CRYBG1: variants seen among roughly 807,000 people sequenced by gnomAD.
CRYBG1 encodes the protein crystallin beta-gamma domain containing 1, also known as beta/gamma crystallin domain-containing protein 1.
In CRYBG1, 139 loss-of-function variants were observed where a neutral mutation model predicts 189.2. The ratio of observed to expected loss-of-function variants is 0.73; its 90% CI spans 0.64 to 0.85. CRYBG1 has a LOEUF of 0.85. CRYBG1 is among the 40% of genes least tolerant of loss of function. CRYBG1 has a pLI of 0.00. For missense variants in CRYBG1, 2,611 were observed against 2,675.8 expected (o/e 0.98, Z 0.53); for synonymous variants, 1,023 against 1,017.1 (o/e 1.01, Z -0.11).
At position 106,519,466 on chromosome 6, in the gene CRYBG1, T is replaced by G. The variant is rs776196166; in HGVS notation, c.2258T>G (p.Val753Gly). ...AAGGAAACTGCTATAGAAACCAAAG[T>G]TACCGTCTCGGAAGAAGAGATTCTG... ...LVKETAIETKVTVSEEEILPA... is the reference protein window; with the variant it reads ...LVKETAIETKGTVSEEEILPA... The change falls in exon 4 of 22, where the codon GTT (valine) becomes GGT (glycine). Residue 753 changes from valine to glycine, a missense_variant. Val to Gly is a moderately radical substitution (Grantham distance 109). Around this residue, in one of 3 missense-constraint regions of CRYBG1, gnomAD observed 1,622 missense variants for 1,735.0 expected, o/e 0.93. Coordinates refer to ENST00000633556, the MANE Select transcript of CRYBG1 (RefSeq NM_001371242.2). The G allele has an allele frequency of 6.2e-7, 1 of 1,614,090 alleles. No homozygotes were observed. Among genetic ancestry groups the G allele is most frequent in the Non-Finnish European group, 8.5e-7 (1 of 1,180,026 alleles).
In CRYBG1 at chr6:106,423,694, C is replaced by CTTTTTTTTTTTTTTTTTTTTTTTTT. The variant is rs1350862841; in HGVS notation, c.174-28000_174-27999insTTTTTTTTTTTTTTTTTTTTTTTTT. On this transcript the variant is annotated intron_variant, in intron 1 of 21. Transcript: ENST00000633556. ...CCCTCCAGTCCTCAGTTCTCCCTCC[C>CTTTTTTTTTTTTTTTTTTTTTTTTT]CTTTTTTTTTTTTTTTTTTTTTTTT... Among the ~76,000 whole-genome samples, 2 of 101,246 alleles carry CTTTTTTTTTTTTTTTTTTTTTTTTT rather than the reference C, an allele frequency of 2.0e-5. 1 individual carries two copies. The highest frequency in any genetic ancestry group is 8.5e-5 in the African/African-American group (2 of 23,608). The allele number at this position is 101,246 out of a possible 152,430, so 66.4% of individuals were successfully genotyped here.
chr6:106,401,164 G>A (rs527964182), intron 1 of CRYBG1, among the ~76,000 whole-genome samples: 176 of 152,256 alleles, frequency 1.2e-3, no homozygotes, highest in African/African-American at 4.2e-3. Context: ...CTAAAATTAT[G>A]AAGATCCTCT....
At chr6:106,440,074 G>A (rs1771538631) in intron 1 of CRYBG1, among the ~76,000 whole-genome samples, 2 of 152,198 alleles carry the variant, frequency 1.3e-5, no homozygotes, top group South Asian at 4.1e-4. Flanking sequence ...CCAGCACCCA[G>A]CCCAGGGAAG....
At chr6:106,562,590 G>A (rs963827792) in intron 20 of CRYBG1, among the ~76,000 whole-genome samples, 3 of 152,106 alleles carry the variant, frequency 2.0e-5, no homozygotes, top group African/African-American at 4.8e-5. Flanking sequence ...GGGTTCACGC[G>A]ATTCTCCTGC....
At chr6:106,561,588 A>G (rs1459726707) in intron 20 of CRYBG1, 88 bp downstream of exon 20, 1 of 1,446,868 alleles carries the variant, frequency 6.9e-7, no homozygotes, top group African/African-American at 1.4e-5. Context: ...TTCTTCAAGT[A>G]GATGCAATTT....
At chr6:106,362,579 G>A (rs1186210555) in intron 1 of CRYBG1, among the ~76,000 whole-genome samples, 1 of 152,218 alleles carries the variant, frequency 6.6e-6, no homozygotes, top group Non-Finnish European at 1.5e-5. Flanking sequence ...GAAGAGCGTG[G>A]CACTTCCTGA....
At chr6:106,363,270 A>G (rs1178913524) in intron 1 of CRYBG1, among the ~76,000 whole-genome samples, 1 of 149,114 alleles carries the variant, frequency 6.7e-6, no homozygotes, top group Non-Finnish European at 1.5e-5. Context: ...AAAAAAAATT[A>G]AAATAGGAGA....
At chr6:106,549,476 C>T (rs892229997) in intron 13 of CRYBG1, among the ~76,000 whole-genome samples, 18 of 152,100 alleles carry the variant, frequency 1.2e-4, no homozygotes, top group Non-Finnish European at 1.5e-4. Flanking sequence ...ACAGTGCTCA[C>T]GCCTGTAATC....
At chr6:106,387,163 T>A (rs1477364452) in intron 1 of CRYBG1, among the ~76,000 whole-genome samples, 4 of 152,190 alleles carry the variant, frequency 2.6e-5, no homozygotes, top group Non-Finnish European at 5.9e-5. Context: ...TTGGTCATAA[T>A]CTAGGATCTG....
intron 1 of CRYBG1, among the ~76,000 whole-genome samples, chr6:106,435,194 G>A (rs992571877): frequency 1.3e-5 from 2 of 151,894 alleles, no homozygotes; most frequent in South Asian, 2.1e-4. Flanking sequence ...TATTATTTTA[G>A]AGACAAGGTC....
intron 2 of CRYBG1, among the ~76,000 whole-genome samples, chr6:106,464,142 C>T (rs553493808): frequency 1.2e-4 from 19 of 152,252 alleles, no homozygotes; most frequent in African/African-American, 4.1e-4. Flanking sequence ...GGGTCTTCTC[C>T]GTAGACACTG....
intron 1 of CRYBG1, among the ~76,000 whole-genome samples, chr6:106,443,507 C>T (rs1771603063): frequency 6.6e-6 from 1 of 152,050 alleles, no homozygotes; most frequent in Non-Finnish European, 1.5e-5. Context: ...TCTTGGCATC[C>T]CTGCAATAGG....
intron 1 of CRYBG1, among the ~76,000 whole-genome samples, chr6:106,406,696 A>G (rs1465873472): frequency 6.6e-6 from 1 of 152,270 alleles, no homozygotes; most frequent in Non-Finnish European, 1.5e-5. Flanking sequence ...CTCTCTGCAG[A>G]AACCCTATAA....
chr6:106,571,910 G>T lies in CRYBG1; in HGVS notation c.*3344G>T. On this transcript the variant is annotated 3_prime_UTR_variant, in exon 22 of 22. Coordinates refer to ENST00000633556, the MANE Select transcript of CRYBG1 (RefSeq NM_001371242.2). The stretch of plus-strand genomic sequence containing the variant: ...AATGTATAATCTAATCTGGAAAAAT[G>T]TTTGAAAGGGATGGCTAGAAAAAAA... 1.2e-6 allele frequency: 1 copy of T among 811,848 alleles called. No individual in the cohort carries two copies. The highest frequency in any genetic ancestry group is 2.1e-6 in the Non-Finnish European group (1 of 478,242). The allele number at this position is 811,848 out of a possible 1,614,324, so 50.3% of individuals were successfully genotyped here. A position where few individuals can be genotyped will look rare whatever the true frequency, so the allele number is the denominator to read the frequency against.
Position 106,498,095 on chromosome 6 carries a change from C to T in CRYBG1, c.313-13335C>T, listed in dbSNP as rs58722676. ...CAGCCTGGGCTACAGAGCGAGACTC[C>T]GTCTTAAAAAAAAAAAAAAAAAAGT... On this transcript the variant is annotated intron_variant, in intron 2 of 21. Coordinates refer to ENST00000633556, the MANE Select transcript of CRYBG1 (RefSeq NM_001371242.2). Among the ~76,000 whole-genome samples the T allele has an allele frequency of 6.9e-3, 865 of 125,804 alleles. 10 individuals are homozygous for T. The highest frequency in any genetic ancestry group is 0.025 in the African/African-American group (815 of 33,256). The allele number at this position is 125,804 out of a possible 152,430, so 82.5% of individuals were successfully genotyped here.
chr6:106,562,858 G>T (rs998058904), intron 20 of CRYBG1, among the ~76,000 whole-genome samples: 2 of 151,078 alleles, frequency 1.3e-5, no homozygotes, highest in African/African-American at 4.9e-5. Flanking sequence ...ACAGAGTCTA[G>T]CTCTGTTGCC....
In CRYBG1 at chr6:106,366,926, A is replaced by G. The variant is rs116785390; in HGVS notation, c.173+5845A>G. On this transcript the variant is annotated intron_variant, in intron 1 of 21. Coordinates refer to ENST00000633556, the MANE Select transcript of CRYBG1 (RefSeq NM_001371242.2). The stretch of plus-strand genomic sequence containing the variant: ...CTTCAGAGGCCCAGAAGTCGTAACC[A>G]GGTCTGTTAAGCTTTGAAGTACCTT... Among the ~76,000 whole-genome samples, 676 of 152,332 alleles carry G rather than the reference A, an allele frequency of 4.4e-3. 6 individuals are homozygous for G. The highest frequency in any genetic ancestry group is 0.015 in the African/African-American group (640 of 41,566).
In CRYBG1 at chr6:106,527,465, G is replaced by A; in HGVS notation, c.4573G>A (p.Val1525Ile). ...PVVIGSIRHV[V>I]QDYRVSHIDL... ...GGTGATTGGTTCCATCAGACATGTG[G>A]TTCAGGTAGGTTGTGGTAAATATGG... Residue 1525 changes from valine (V) to isoleucine (I), a missense_variant, in exon 7 of 22, where the codon GTT (valine) becomes ATT (isoleucine). By Grantham distance (29) the Val-to-Ile change is conservative (BLOSUM62 3). Around this residue, in one of 3 missense-constraint regions of CRYBG1, gnomAD observed 1,622 missense variants for 1,735.0 expected, o/e 0.93. Transcript: ENST00000633556. 6.2e-7 allele frequency: 1 copy of A among 1,608,862 alleles called. No individual in the cohort carries two copies. The highest frequency in any genetic ancestry group is 8.5e-7 in the Non-Finnish European group (1 of 1,177,534).
At chr6:106,465,310 C>G (rs1218215751) in intron 2 of CRYBG1, among the ~76,000 whole-genome samples, 1 of 152,172 alleles carries the variant, frequency 6.6e-6, no homozygotes, top group Non-Finnish European at 1.5e-5. Context: ...ACCAGAGTTG[C>G]GATTTCAGCT....
Sources: allele counts gnomAD v4.1 joint callset (sites outside exome capture counted in the v4.1 genomes callset), GRCh38; gene constraint gnomAD v4.1.1; regional missense constraint gnomAD v4.1.1; transcripts MANE v1.5; gene names NCBI Gene and HGNC (gene_info 2026-07-23, HGNC 2026-07-21).